FKBP5: variants seen among roughly 807,000 people sequenced by gnomAD.
FKBP5 encodes FKBP prolyl isomerase 5, also known as peptidyl-prolyl cis-trans isomerase FKBP5.
Under a neutral mutation model 50.5 loss-of-function variants are expected in FKBP5, and 23 were observed. The ratio of observed to expected loss-of-function variants is 0.46; its 90% confidence interval spans 0.33 to 0.65. The LOEUF (loss-of-function observed/expected upper bound fraction) is 0.65, where lower values mean the gene tolerates loss of function less well. Among genes scored for constraint, FKBP5 ranks in the 30% least tolerant of loss-of-function variants. The pLI is 0.02. For synonymous variants in FKBP5, 176 were observed against 190.6 expected, an observed-to-expected ratio of 0.92 and a Z score of 0.63; for missense variants, 411 against 553.1, an observed-to-expected ratio of 0.74 and a Z score of 2.58.
intron 1 of FKBP5, chr6:35,651,986 A>AT (rs1242994274): frequency 3.3e-6 from 1 of 302,962 alleles, no homozygotes; most frequent in Non-Finnish European, 5.3e-6. Context: ...GGCTGAAGCC[A>AT]TGACAGAAGA....
chr6:35,664,244 A>G (rs1351715546), intron 1 of FKBP5, among the ~76,000 whole-genome samples: 1 of 152,240 alleles, frequency 6.6e-6, no homozygotes, highest in Non-Finnish European at 1.5e-5. Flanking sequence ...ATAATCAATT[A>G]AAATGTACAA....
At chr6:35,726,117 TTGGATACTGAC>T (rs1302403273) in intron 1 of FKBP5, among the ~76,000 whole-genome samples, 3 of 152,120 alleles carry the variant, frequency 2.0e-5, no homozygotes, top group Non-Finnish European at 4.4e-5. Context: ...CAAGCATCAC[TTGGATACTGAC>T]TGGAAGTCAC....
At chr6:35,603,720 G>A (rs949272517) in intron 5 of FKBP5, among the ~76,000 whole-genome samples, 2 of 151,352 alleles carry the variant, frequency 1.3e-5, no homozygotes, top group Non-Finnish European at 2.9e-5. Flanking sequence ...ACAGAGTCTC[G>A]TTCTGTTGCC....
At chr6:35,709,645 TTTTC>T (rs1294688932) in intron 2 of FKBP5, among the ~76,000 whole-genome samples, 1 of 152,222 alleles carries the variant, frequency 6.6e-6, no homozygotes, top group African/African-American at 2.4e-5. Context: ...TTGTTTTTTC[TTTTC>T]TTTCTTGTTT....
chr6:35,694,040 T>G (rs1766044074), intron 2 of FKBP5, among the ~76,000 whole-genome samples: 1 of 152,122 alleles, frequency 6.6e-6, no homozygotes, highest in Non-Finnish European at 1.5e-5. Context: ...AGTCTCTCTA[T>G]GCTGCCCAGG....
intron 1 of FKBP5, among the ~76,000 whole-genome samples, chr6:35,726,849 CG>C (rs1472572098): frequency 3.3e-5 from 5 of 152,048 alleles, no homozygotes; most frequent in Admixed American, 1.3e-4. Flanking sequence ...TGGTGGGAGG[CG>C]GGGGCAGTGG....
intron 8 of FKBP5, chr6:35,584,802 AAT>A: frequency 2.0e-6 from 2 of 985,416 alleles, no homozygotes; most frequent in Non-Finnish European, 1.2e-6. Context: ...CCATGTTAAA[AAT>A]AATTTTTTCC....
chr6:35,699,971 C>T (rs1010025502), intron 2 of FKBP5, among the ~76,000 whole-genome samples: 2 of 151,854 alleles, frequency 1.3e-5, no homozygotes, highest in Non-Finnish European at 2.9e-5. Flanking sequence ...AGATTGAACC[C>T]AGGAGGCAGA....
chr6:35,721,185 C>G (rs747956892), intron 1 of FKBP5, among the ~76,000 whole-genome samples: 58 of 152,086 alleles, frequency 3.8e-4, no homozygotes, highest in Non-Finnish European at 4.9e-4. Flanking sequence ...AACCCCGTCT[C>G]TACTAAAAAT....
At chr6:35,706,685 A>G (rs1442852961) in intron 2 of FKBP5, among the ~76,000 whole-genome samples, 1 of 152,188 alleles carries the variant, frequency 6.6e-6, no homozygotes, top group Non-Finnish European at 1.5e-5. Flanking sequence ...TAAAACCCAC[A>G]TACTCAATGA....
At chr6:35,705,498 C>T (rs201333855) in intron 2 of FKBP5, among the ~76,000 whole-genome samples, 1 of 151,506 alleles carries the variant, frequency 6.6e-6, no homozygotes, top group Non-Finnish European at 1.5e-5. Flanking sequence ...AACTCCTGAC[C>T]TCATGATCTG....
intron 8 of FKBP5, chr6:35,583,787 AAGAC>A (rs1762517881): frequency 1.4e-5 from 14 of 985,370 alleles, no homozygotes; most frequent in Non-Finnish European, 1.6e-5. Flanking sequence ...AAAGAGATGA[AAGAC>A]AGGGTGGACT....
chr6:35,687,178 G>A (rs1373073864), intron 1 of FKBP5, among the ~76,000 whole-genome samples: 1 of 152,088 alleles, frequency 6.6e-6, no homozygotes, highest in African/African-American at 2.4e-5. Context: ...ACCTAATACA[G>A]ATATCAACCA....
intron 2 of FKBP5, among the ~76,000 whole-genome samples, chr6:35,638,919 A>G (rs1026917278): frequency 6.6e-6 from 1 of 152,190 alleles, no homozygotes; most frequent in Non-Finnish European, 1.5e-5. Flanking sequence ...GACTATAAAC[A>G]GTAACTGGGC....
At position 35,622,102 on chromosome 6, in the gene FKBP5, A is replaced by G. The variant is rs997284454; in HGVS notation, c.251-1828T>C. ...GATATTAGGACAAGGGAAACCCTACATAACAGTATGTAAGCAGGGATAGAT... is the reference window on the plus strand; with the variant it reads ...GATATTAGGACAAGGGAAACCCTACGTAACAGTATGTAAGCAGGGATAGAT... On this transcript the variant is annotated intron_variant, in intron 3 of 10. Coordinates refer to ENST00000357266, the MANE Select transcript of FKBP5 (RefSeq NM_004117.4). Among the ~76,000 whole-genome samples, 10 of 152,382 alleles carry G rather than the reference A, an allele frequency of 6.6e-5. No individual in the cohort carries two copies. The South Asian group carries it at 1.7e-3, about 25-fold the overall frequency.
rs1469583463 is a variant in FKBP5, at chr6:35,651,499, C to G, written c.-19-8656G>C. ...GGTTATCAGAGATAAGGCCTGAGCT[C>G]AGGAGAGAAGTGTGGGTGACAGTTA... On this transcript the variant is annotated intron_variant, in intron 1 of 10. Transcript: ENST00000357266. Among the ~76,000 whole-genome samples the G allele has an allele frequency of 2.0e-5, 3 of 152,078 alleles. No homozygotes were observed. In the East Asian group the frequency reaches 5.8e-4, roughly 29 times the overall value.
chr6:35,602,529 T>C (rs1763176790), intron 5 of FKBP5, among the ~76,000 whole-genome samples: 2 of 152,096 alleles, frequency 1.3e-5, no homozygotes, highest in African/African-American at 4.8e-5. Context: ...TGTTGCCTAA[T>C]TCATGCCAAG....
intron 1 of FKBP5, among the ~76,000 whole-genome samples, chr6:35,676,095 GA>G (rs1473691106): frequency 6.6e-6 from 1 of 152,110 alleles, no homozygotes; most frequent in Non-Finnish European, 1.5e-5. Context: ...AGCAAGAAGA[GA>G]AAAAGAGGGA....
intron 1 of FKBP5, among the ~76,000 whole-genome samples, chr6:35,721,463 CT>C (rs796140796): frequency 2.4e-3 from 356 of 146,938 alleles, no homozygotes; most frequent in African/African-American, 7.5e-3. Context: ...AAAATAGTGG[CT>C]TTTTTTTTTA....
Sources: allele counts gnomAD v4.1 joint callset (sites outside exome capture counted in the v4.1 genomes callset), GRCh38; gene constraint gnomAD v4.1.1; transcripts MANE v1.5; gene names NCBI Gene and HGNC (gene_info 2026-07-23, HGNC 2026-07-21).